FRMD4B: variants seen among roughly 807,000 people sequenced by gnomAD.
FRMD4B encodes FERM domain containing 4B.
In FRMD4B, 74 loss-of-function variants were observed where a neutral mutation model predicts 141.5. That is an observed-to-expected ratio of 0.52 (90% CI 0.43 to 0.63). FRMD4B has a LOEUF of 0.63. FRMD4B is among the 30% of genes least tolerant of loss of function. FRMD4B has a pLI of 0.00. For synonymous variants in FRMD4B, 506 were observed against 467.9 expected (o/e 1.08, Z -1.05); for missense variants, 1,366 against 1,253.4 (o/e 1.09, Z -1.36).
At chr3:69,307,584 C>T (rs1334094169) in intron 3 of FRMD4B, among the ~76,000 whole-genome samples, 2 of 152,170 alleles carry the variant, frequency 1.3e-5, no homozygotes. Flanking sequence ...AGGTGATCCA[C>T]CCTCCTCAGC....
At chr3:69,477,151 C>T (rs1444066152) in intron 1 of FRMD4B, among the ~76,000 whole-genome samples, 1 of 149,316 alleles carries the variant, frequency 6.7e-6, no homozygotes, top group Non-Finnish European at 1.5e-5. Context: ...CATCTGCAAA[C>T]AGGGACAATT....
At chr3:69,456,264 G>A (rs900940070) in intron 1 of FRMD4B, among the ~76,000 whole-genome samples, 1 of 151,790 alleles carries the variant, frequency 6.6e-6, no homozygotes, top group Non-Finnish European at 1.5e-5. Context: ...GAAAAAAAAC[G>A]CCAACCGAGG....
At chr3:69,366,466 C>T (rs970517344) in intron 1 of FRMD4B, among the ~76,000 whole-genome samples, 1 of 103,702 alleles carries the variant, frequency 9.6e-6, no homozygotes, top group Non-Finnish European at 2.0e-5. Flanking sequence ...GATCTCACCT[C>T]GTGATCATGG....
At chr3:69,495,113 C>A (rs1706363207) in intron 1 of FRMD4B, among the ~76,000 whole-genome samples, 1 of 152,148 alleles carries the variant, frequency 6.6e-6, no homozygotes, top group Non-Finnish European at 1.5e-5. Context: ...GGATGAAGCT[C>A]AAGTCAGGCC....
intron 4 of FRMD4B, among the ~76,000 whole-genome samples, chr3:69,299,063 G>C (rs1701126023): frequency 6.6e-6 from 1 of 152,034 alleles, no homozygotes; most frequent in African/African-American, 2.4e-5. Context: ...TTATGTGTAT[G>C]CTGACTATGA....
intron 4 of FRMD4B, among the ~76,000 whole-genome samples, chr3:69,298,965 C>G (rs1701121868): frequency 6.6e-6 from 1 of 151,762 alleles, no homozygotes; most frequent in Non-Finnish European, 1.5e-5. Flanking sequence ...TTCCCAGCAT[C>G]TAGTATAGGG....
chr3:69,236,132 C>A (rs1359726774), intron 7 of FRMD4B, among the ~76,000 whole-genome samples: 1 of 152,042 alleles, frequency 6.6e-6, no homozygotes, highest in Non-Finnish European at 1.5e-5. Flanking sequence ...TTGAACCACA[C>A]CAAACCAGAA....
At chr3:69,256,562 C>T (rs574737562) in intron 5 of FRMD4B, among the ~76,000 whole-genome samples, 5 of 152,266 alleles carry the variant, frequency 3.3e-5, no homozygotes, top group East Asian at 1.9e-4. Flanking sequence ...TCAAGTGATT[C>T]GCCTGCCTTG....
At chr3:69,470,640 C>T (rs1238616663) in intron 1 of FRMD4B, among the ~76,000 whole-genome samples, 1 of 152,086 alleles carries the variant, frequency 6.6e-6, no homozygotes, top group African/African-American at 2.4e-5. Flanking sequence ...TAAATTAGTC[C>T]TAGAGTTGCA....
intron 17 of FRMD4B, among the ~76,000 whole-genome samples, chr3:69,190,842 G>T (rs552999783): frequency 1.3e-5 from 2 of 152,166 alleles, no homozygotes; most frequent in Non-Finnish European, 2.9e-5. Context: ...ACTGAATTAG[G>T]TTTAAGTCTT....
rs145626102 is a variant in FRMD4B, at chr3:69,472,809, C to T, written c.-128-40048G>A. Reference sequence around the variant, plus strand: ...CATCCCATGGGGACTTGCCATGGGTCAAATGTTCAAGTATTACCATATTGG... The same window carrying T: ...CATCCCATGGGGACTTGCCATGGGTTAAATGTTCAAGTATTACCATATTGG... On this transcript the variant is annotated intron_variant, in intron 1 of 5. Coordinates refer to the FRMD4B transcript ENST00000459638. 3.3e-5 allele frequency among the ~76,000 whole-genome samples: 5 copies of T among 151,936 alleles called. No homozygotes were observed. The East Asian group carries it at 9.7e-4, about 29-fold the overall frequency.
At chr3:69,182,937 A>G (rs764900550) in intron 19 of FRMD4B, among the ~76,000 whole-genome samples, 3 of 152,110 alleles carry the variant, frequency 2.0e-5, no homozygotes, top group Non-Finnish European at 4.4e-5. Flanking sequence ...ATATGTAGGG[A>G]AAAAAAGGAC....
rs569369226 is a variant in FRMD4B, at chr3:69,332,898, C to T, written c.163-19381G>A. On this transcript the variant is annotated intron_variant, in intron 1 of 22. Transcript: ENST00000398540. ...CCAGCCAGGAGCTCCTTTTTTCTATCGCTTCAAACCATCTCCTCGTCCTTA... is the reference window on the plus strand; with the variant it reads ...CCAGCCAGGAGCTCCTTTTTTCTATTGCTTCAAACCATCTCCTCGTCCTTA... Among the ~76,000 whole-genome samples the T allele has an allele frequency of 5.3e-5, 8 of 151,958 alleles. No individual in the cohort carries two copies. The South Asian group carries it at 1.2e-3, about 24-fold the overall frequency.
intron 1 of FRMD4B, among the ~76,000 whole-genome samples, chr3:69,537,819 CA>C (rs1701110299): frequency 6.6e-6 from 1 of 152,220 alleles, no homozygotes. Context: ...AGCCTGTGTG[CA>C]TTAGGCACTT....
intron 1 of FRMD4B, among the ~76,000 whole-genome samples, chr3:69,533,022 G>A (rs1701026191): frequency 6.6e-6 from 1 of 152,202 alleles, no homozygotes; most frequent in African/African-American, 2.4e-5. Context: ...TCCTCACTGT[G>A]ACAACACATT....
At chr3:69,355,317 T>G (rs1703281061) in intron 1 of FRMD4B, among the ~76,000 whole-genome samples, 1 of 152,206 alleles carries the variant, frequency 6.6e-6, no homozygotes. Context: ...TTTCTAATAT[T>G]TCATATACAT....
chr3:69,328,334 G>A (rs770736079), intron 1 of FRMD4B, among the ~76,000 whole-genome samples: 3 of 152,188 alleles, frequency 2.0e-5, no homozygotes, highest in Non-Finnish European at 4.4e-5. Context: ...GCTACTGCTC[G>A]TCTCTTCCCA....
At chr3:69,237,518 A>C (rs575615062) in intron 7 of FRMD4B, among the ~76,000 whole-genome samples, 20 of 152,290 alleles carry the variant, frequency 1.3e-4, no homozygotes, top group African/African-American at 4.8e-4. Flanking sequence ...CATCCTAAGA[A>C]GCTCCTTCAC....
At chr3:69,374,019 C>T (rs931933018) in intron 1 of FRMD4B, among the ~76,000 whole-genome samples, 3 of 152,158 alleles carry the variant, frequency 2.0e-5, no homozygotes, top group Non-Finnish European at 4.4e-5. Flanking sequence ...TAAAATGAGG[C>T]ACCAAGAAGT....
Sources: allele counts gnomAD v4.1 joint callset (sites outside exome capture counted in the v4.1 genomes callset), GRCh38; gene constraint gnomAD v4.1.1; transcripts MANE v1.5; gene names NCBI Gene and HGNC (gene_info 2026-07-23, HGNC 2026-07-21).